SMG6: variants seen among roughly 807,000 people sequenced by gnomAD.
SMG6 encodes SMG6 nonsense mediated mRNA decay factor.
Under a neutral mutation model 142.2 loss-of-function variants are expected in SMG6, and 66 were observed. The observed-to-expected ratio is 0.46, with a 90% confidence interval of 0.38 to 0.57. The LOEUF is 0.57. SMG6 is among the 20% of genes least tolerant of loss of function. The pLI is 0.00. For synonymous variants in SMG6, 779 were observed against 702.4 expected, an observed-to-expected ratio of 1.11 and a Z score of -1.72; for missense variants, 1,793 against 1,832.0, an observed-to-expected ratio of 0.98 and a Z score of 0.39.
At chr17:2,155,920 T>C (rs1036572747) in intron 13 of SMG6, among the ~76,000 whole-genome samples, 1 of 152,172 alleles carries the variant, frequency 6.6e-6, no homozygotes, top group Admixed American at 6.5e-5. Flanking sequence ...GGAAGAAGCA[T>C]TTCTGCTCAA....
chr17:2,280,802 C>A lies in SMG6; in HGVS notation c.2661+1845G>T, dbSNP rs1301459692. Among the ~76,000 whole-genome samples the A allele has an allele frequency of 2.0e-5, 3 of 152,138 alleles. No homozygotes were observed. In the East Asian group the frequency reaches 5.8e-4, roughly 29 times the overall value. Reference sequence around the variant, plus strand: ...TTGTATAATTAGAAATAAAATGGGACAGACATGATACACCTCATGCCTGTA... The same window carrying A: ...TTGTATAATTAGAAATAAAATGGGAAAGACATGATACACCTCATGCCTGTA... On this transcript the variant is annotated intron_variant, in intron 8 of 18. Coordinates refer to ENST00000263073, the MANE Select transcript of SMG6 (RefSeq NM_017575.5).
chr17:2,241,595 T>C (rs1469688116), intron 9 of SMG6, among the ~76,000 whole-genome samples: 1 of 152,210 alleles, frequency 6.6e-6, no homozygotes, highest in Non-Finnish European at 1.5e-5. Context: ...CTGCCTATGT[T>C]GCCCAGGCTG....
Position 2,139,425 on chromosome 17 carries a change from C to CTTTTTT in SMG6, c.3357+33227_3357+33232dup, listed in dbSNP as rs375417133. 1.8e-3 allele frequency among the ~76,000 whole-genome samples: 254 copies of CTTTTTT among 139,224 alleles called. 2 individuals are homozygous for CTTTTTT. Among genetic ancestry groups the CTTTTTT allele is most frequent in the Middle Eastern group, 3.7e-3 (1 of 268 alleles). The allele number at this position is 139,224 out of a possible 152,430, so 91.3% of individuals were successfully genotyped here. A position where few individuals can be genotyped will look rare whatever the true frequency, so the allele number is the denominator to read the frequency against. Reference sequence around the variant, plus strand: ...CTTATGGAAAAGTGCCTGCTTTTTTCTTTTTTTTTTTTTTGAGATGGAGTC... The same window carrying CTTTTTT: ...CTTATGGAAAAGTGCCTGCTTTTTTCTTTTTTTTTTTTTTTTTTTTGAGATGGAGTC... On this transcript the variant is annotated intron_variant, in intron 13 of 18. Coordinates refer to ENST00000263073, the MANE Select transcript of SMG6 (RefSeq NM_017575.5).
chr17:2,180,147 C>G (rs1010516606), intron 12 of SMG6, among the ~76,000 whole-genome samples: 5 of 152,206 alleles, frequency 3.3e-5, no homozygotes, highest in African/African-American at 1.2e-4. Context: ...GCACGACTTT[C>G]CTTGTGCTCA....
chr17:2,155,055 A>T lies in SMG6; in HGVS notation c.3357+17603T>A, dbSNP rs528836432. Among the ~76,000 whole-genome samples, 464 of 143,678 alleles carry T rather than the reference A, an allele frequency of 3.2e-3. 3 individuals are homozygous for T. The highest frequency in any genetic ancestry group is 0.012 in the South Asian group (56 of 4,526). 94.3% of individuals were successfully genotyped at this position (143,678 alleles called of 152,430 possible). The stretch of plus-strand genomic sequence containing the variant: ...AACAAAGTATACTCTGAGAAAAAAA[A>T]TTTTTTTTTTTTTTTGAGATGGAGT... On this transcript the variant is annotated intron_variant, in intron 13 of 18. Coordinates refer to ENST00000263073, the MANE Select transcript of SMG6 (RefSeq NM_017575.5).
chr17:2,287,503 A>G (rs919524416), intron 6 of SMG6, among the ~76,000 whole-genome samples: 2 of 152,210 alleles, frequency 1.3e-5, no homozygotes, highest in African/African-American at 4.8e-5. Flanking sequence ...CTAAAAACCT[A>G]AAATCAGAAT....
intron 10 of SMG6, chr17:2,229,201 T>A (rs937350244): frequency 5.3e-5 from 8 of 152,144 alleles, no homozygotes; most frequent in Non-Finnish European, 1.2e-4. Flanking sequence ...ATGACAATAA[T>A]GAACATGAAC....
At chr17:2,252,407 TAAAGA>T (rs2074068130) in intron 8 of SMG6, among the ~76,000 whole-genome samples, 1 of 150,056 alleles carries the variant, frequency 6.7e-6, no homozygotes, top group African/African-American at 2.4e-5. Context: ...TCAAAAAAAA[TAAAGA>T]AAAGAAAAGA....
rs553565512 is a variant in SMG6 at position 2,082,626 on chromosome 17, C to A, written c.3535-670G>T. Among the ~76,000 whole-genome samples the A allele has an allele frequency of 2.0e-5, 3 of 152,344 alleles. No individual in the cohort carries two copies. The South Asian group carries it at 6.2e-4, about 32-fold the overall frequency. Reference sequence around the variant, plus strand: ...CTGGCTGGCTTAAGGAGCCTCCTGCCAGGCTGGTGGCACATTCCCCAAGGA... The same window carrying A: ...CTGGCTGGCTTAAGGAGCCTCCTGCAAGGCTGGTGGCACATTCCCCAAGGA... On this transcript the variant is annotated intron_variant, in intron 14 of 18. Coordinates refer to ENST00000263073, the MANE Select transcript of SMG6 (RefSeq NM_017575.5).
intron 13 of SMG6, among the ~76,000 whole-genome samples, chr17:2,108,814 G>C (rs2069227195): frequency 6.6e-6 from 1 of 151,944 alleles, no homozygotes; most frequent in African/African-American, 2.4e-5. Context: ...CATGGTGGCG[G>C]GCGCCTGTAA....
At chr17:2,191,598 G>C (rs773645970) in intron 10 of SMG6, among the ~76,000 whole-genome samples, 1 of 152,160 alleles carries the variant, frequency 6.6e-6, no homozygotes, top group African/African-American at 2.4e-5. Context: ...TAAGGGTTTC[G>C]GGTAAGGGTT....
At chr17:2,168,656 C>T (rs1024769456) in intron 13 of SMG6, among the ~76,000 whole-genome samples, 5 of 152,018 alleles carry the variant, frequency 3.3e-5, no homozygotes, top group Admixed American at 6.5e-5. Context: ...TTTAGGAGGC[C>T]GAGGCAGGAG....
chr17:2,165,638 C>A (rs4790881), intron 13 of SMG6, among the ~76,000 whole-genome samples: 113,143 of 152,154 alleles, frequency 0.74, 42,935 homozygotes, highest in African/African-American at 0.88. Flanking sequence ...AGGGATTTCA[C>A]CTATTATCTG....
In SMG6 at chr17:2,085,990, G is replaced by A. The variant is rs2068551071; in HGVS notation, c.3358-89C>T. 4.4e-6 allele frequency: 6 copies of A among 1,355,758 alleles called. No homozygotes were observed. Among genetic ancestry groups the A allele is most frequent in the Non-Finnish European group, 5.2e-6 (5 of 952,666 alleles). The allele number at this position is 1,355,758 out of a possible 1,614,324, so 84.0% of individuals were successfully genotyped here. On this transcript the variant is annotated intron_variant, in intron 13 of 18. Transcript: ENST00000263073. The surrounding 1 kb of genome is among the most constrained non-coding windows in gnomAD (Gnocchi z 4.1). ...TTGCTTGCCGGCTGAGGGGCACAGG[G>A]GAACTGTGTCAAAGCTACCAGGCAA...
At chr17:2,231,012 G>A (rs754368297) in intron 10 of SMG6, among the ~76,000 whole-genome samples, 3 of 152,046 alleles carry the variant, frequency 2.0e-5, no homozygotes, top group Admixed American at 6.6e-5. Flanking sequence ...GAATGAGGGG[G>A]CCAGTTTACA....
chr17:2,137,023 G>A (rs1303419236), intron 13 of SMG6, among the ~76,000 whole-genome samples: 2 of 152,078 alleles, frequency 1.3e-5, no homozygotes, highest in Non-Finnish European at 2.9e-5. Context: ...AATTAGCTGG[G>A]CATGGTGGCA....
intron 18 of SMG6, chr17:2,062,387 G>A (rs2067807914): frequency 6.6e-6 from 1 of 152,110 alleles, no homozygotes; most frequent in Non-Finnish European, 1.5e-5. Flanking sequence ...CATACACTTG[G>A]ACATATAACC....
chr17:2,299,920 C>A lies in SMG6; in HGVS notation c.833G>T (p.Cys278Phe), dbSNP rs140656817. Residue 278 changes from cysteine (C) to phenylalanine (F), a missense_variant, in exon 2 of 19, where the codon TGT becomes TTT. Coordinates refer to ENST00000263073, the MANE Select transcript of SMG6 (RefSeq NM_017575.5). This position sits in a 1 kb window ranked among gnomAD's most constrained non-coding sequence, Gnocchi z 4.3. ...AEGAGLTDNG[C>F]RRRRQDRTKE... The stretch of plus-strand genomic sequence containing the variant: ...GGTCCTATCCTGTCGGCGGCGGCGA[C>A]ATCCATTATCCGTCAGGCCAGCTCC... 136 of 1,614,192 alleles carry A rather than the reference C, an allele frequency of 8.4e-5. No individual in the cohort carries two copies. In the African/African-American group the frequency reaches 1.8e-3, roughly 21 times the overall value.
chr17:2,111,082 A>C (rs1405050601), intron 13 of SMG6, among the ~76,000 whole-genome samples: 1 of 152,178 alleles, frequency 6.6e-6, no homozygotes, highest in Admixed American at 6.5e-5. Context: ...CTGAGTTCTA[A>C]ATGTATTCTA....
Sources: allele counts gnomAD v4.1 joint callset (sites outside exome capture counted in the v4.1 genomes callset), GRCh38; gene constraint gnomAD v4.1.1; non-coding constraint Gnocchi (gnomAD v3.1); transcripts MANE v1.5; gene names NCBI Gene and HGNC (gene_info 2026-07-23, HGNC 2026-07-21).